The following SCOC variants were observed in gnomAD, a reference collection of about 807,000 sequenced individuals.
SCOC encodes the protein short coiled-coil protein.
Under a neutral mutation model 9.9 loss-of-function variants are expected in SCOC, and 7 were observed. The ratio of observed to expected loss-of-function variants is 0.71; its 90% CI spans 0.40 to 1.33. The LOEUF is 1.33. Among genes scored for constraint, SCOC ranks in the 40% most tolerant of loss-of-function variants. The pLI is 0.01. For synonymous variants in SCOC, 19 were observed against 28.2 expected, an observed-to-expected ratio of 0.67 and a Z score of 1.03; for missense variants, 66 against 89.7, an observed-to-expected ratio of 0.74 and a Z score of 1.07.
chr4:140,341,737 T>C (rs1262195178), upstream of SCOC, among the ~76,000 whole-genome samples: 1 of 152,158 alleles, frequency 6.6e-6, no homozygotes, highest in African/African-American at 2.4e-5. Flanking sequence ...TCAGCTACTG[T>C]GCTCTGAAAT....
chr4:140,275,034 G>A (rs188102090), intron 1 of SCOC, among the ~76,000 whole-genome samples: 173 of 152,306 alleles, frequency 1.1e-3, no homozygotes, highest in African/African-American at 4.0e-3. Context: ...GTGGTGGTTG[G>A]TTGGTTTTTG....
At chr4:140,282,726 C>T (rs748424347) in intron 1 of SCOC, among the ~76,000 whole-genome samples, 2 of 152,152 alleles carry the variant, frequency 1.3e-5, no homozygotes, top group East Asian at 3.9e-4. Context: ...TCTCTTTAAC[C>T]TCTGTTTGAT....
At chr4:140,263,064 T>G (rs529580675) in intron 1 of SCOC, among the ~76,000 whole-genome samples, 1 of 152,228 alleles carries the variant, frequency 6.6e-6, no homozygotes, top group African/African-American at 2.4e-5. Context: ...ATTTGAAAAT[T>G]TTCTTAGAGT....
intron 2 of SCOC, among the ~76,000 whole-genome samples, chr4:140,355,841 T>A (rs1727206021): frequency 6.6e-6 from 1 of 152,192 alleles, no homozygotes; most frequent in Admixed American, 6.5e-5. Flanking sequence ...AAAATGTATG[T>A]ATTAGTGTGA....
intron 1 of SCOC, among the ~76,000 whole-genome samples, chr4:140,330,050 GC>G (rs1732766712): frequency 6.6e-6 from 1 of 152,112 alleles, no homozygotes; most frequent in African/African-American, 2.4e-5. Context: ...TATGAAACCA[GC>G]CCAAATGCCC....
chr4:140,306,759 C>T (rs1560693252), intron 1 of SCOC, among the ~76,000 whole-genome samples: 1 of 125,126 alleles, frequency 8.0e-6, no homozygotes, highest in East Asian at 2.3e-4. Flanking sequence ...CTGGTCAGGA[C>T]CCCTAGGAAG....
chr4:140,366,234 TC>T (rs58011034), intron 2 of SCOC: 27 of 3,460 alleles, frequency 7.8e-3, no homozygotes, highest in Non-Finnish European at 8.2e-3. Context: ...TCTAATCACC[TC>T]TTTCTTGCCA....
upstream of SCOC, among the ~76,000 whole-genome samples, chr4:140,340,470 A>T (rs927714137): frequency 6.6e-6 from 1 of 152,142 alleles, no homozygotes; most frequent in Non-Finnish European, 1.5e-5. Flanking sequence ...ATAATAAAAA[A>T]AAAAGAAAAG....
intron 1 of SCOC, among the ~76,000 whole-genome samples, chr4:140,282,194 G>A (rs1412330287): frequency 6.6e-6 from 1 of 152,154 alleles, no homozygotes; most frequent in Non-Finnish European, 1.5e-5. Flanking sequence ...TTTTCATAGA[G>A]TCCATGGTTC....
intron 2 of SCOC, among the ~76,000 whole-genome samples, chr4:140,365,013 A>G (rs1397099099): frequency 6.6e-6 from 1 of 152,180 alleles, no homozygotes; most frequent in Admixed American, 6.5e-5. Context: ...GAATGATTAC[A>G]CCATTGAAGA....
chr4:140,334,868 G>A (rs1237734661), intron 1 of SCOC, among the ~76,000 whole-genome samples: 1 of 152,122 alleles, frequency 6.6e-6, no homozygotes, highest in Non-Finnish European at 1.5e-5. Flanking sequence ...TTGAGAGGCC[G>A]AAGTGGCTGG....
intron 1 of SCOC, among the ~76,000 whole-genome samples, chr4:140,286,791 G>A (rs959602059): frequency 5.9e-5 from 9 of 152,182 alleles, no homozygotes; most frequent in African/African-American, 1.4e-4. Context: ...TGGGAGTCAC[G>A]CAGCCTCTAA....
intron 1 of SCOC, among the ~76,000 whole-genome samples, chr4:140,325,998 T>C (rs1025390265): frequency 6.6e-6 from 1 of 152,158 alleles, no homozygotes; most frequent in Non-Finnish European, 1.5e-5. Context: ...TGCTCAACAA[T>C]AAAAATGAAT....
intron 2 of SCOC, among the ~76,000 whole-genome samples, chr4:140,353,576 A>G (rs1185433452): frequency 6.6e-6 from 1 of 151,954 alleles, no homozygotes; most frequent in Non-Finnish European, 1.5e-5. Flanking sequence ...ACGCCCGGCT[A>G]ATTTTTTTGT....
At chr4:140,372,326 C>G (rs1035960289), upstream of SCOC, among the ~76,000 whole-genome samples, 1 of 152,164 alleles carries the variant, frequency 6.6e-6, no homozygotes, top group African/African-American at 2.4e-5. Context: ...CAAAAGGTTG[C>G]TTTTAATAGT....
At position 140,278,545 on chromosome 4, in the gene SCOC, C is replaced by G. The variant is rs530363916; in HGVS notation, c.-19+21135C>G. On this transcript the variant is annotated intron_variant, in intron 1 of 4. Coordinates refer to the SCOC transcript ENST00000394205. Reference sequence around the variant, plus strand: ...CGATCTCCTGACCTTGTTGTCCACCCGCCTCAGCCTCCCAAAGTGCTGGGA... The same window carrying G: ...CGATCTCCTGACCTTGTTGTCCACCGGCCTCAGCCTCCCAAAGTGCTGGGA... 2.0e-5 allele frequency among the ~76,000 whole-genome samples: 3 copies of G among 152,078 alleles called. No homozygotes were observed. In the South Asian group the frequency reaches 6.2e-4, roughly 32 times the overall value.
intron 3 of SCOC, 72 bp downstream of exon 3, chr4:140,379,724 A>G (rs1728489836): frequency 1.8e-6 from 2 of 1,130,344 alleles, no homozygotes; most frequent in Non-Finnish European, 2.6e-6. Flanking sequence ...ATATTGCTAA[A>G]TTTTGTTTGT....
At chr4:140,373,362 A>T (rs1473394782), upstream of SCOC, 1 of 1,440,254 alleles carries the variant, frequency 6.9e-7, no homozygotes, top group Non-Finnish European at 9.1e-7. Context: ...GATAGACCTG[A>T]TGAGCCGCTT....
At chr4:140,342,160 T>G (rs1726540330), upstream of SCOC, among the ~76,000 whole-genome samples, 1 of 152,188 alleles carries the variant, frequency 6.6e-6, no homozygotes, top group Admixed American at 6.5e-5. Context: ...TACCTGTATC[T>G]CATACTCTTG....
Sources: gnomAD v4.1 joint callset for allele counts (sites outside exome capture counted in the v4.1 genomes callset) on GRCh38, gnomAD v4.1.1 for gene constraint, MANE v1.5 for transcripts, NCBI Gene and HGNC (gene_info 2026-07-23, HGNC 2026-07-21) for gene names.